TRAK1: variants seen among roughly 807,000 people sequenced by gnomAD.
TRAK1 encodes trafficking kinesin-binding protein 1.
TRAK1 carries 33 observed loss-of-function variants against 92.1 expected under a neutral mutation model. The observed-to-expected ratio is 0.36, with a 90% CI of 0.27 to 0.48. TRAK1 has a LOEUF of 0.48. Among genes scored for constraint, TRAK1 ranks in the 20% least tolerant of loss-of-function variants. The probability of loss-of-function intolerance (pLI) is 0.99; values close to 1 mark genes in which losing one functional copy is unlikely to be tolerated. For synonymous variants in TRAK1, 521 were observed against 517.3 expected, an observed-to-expected ratio of 1.01 and a Z score of -0.10; for missense variants, 1,123 against 1,257.9, an observed-to-expected ratio of 0.89 and a Z score of 1.62.
chr3:42,191,887 A>T (rs1705792700), intron 7 of TRAK1, among the ~76,000 whole-genome samples: 1 of 121,532 alleles, frequency 8.2e-6, no homozygotes, highest in African/African-American at 3.3e-5. Context: ...TTATACTGGA[A>T]TATTGGAATT....
chr3:42,075,960 A>G (rs1442767186), intron 1 of TRAK1, among the ~76,000 whole-genome samples: 2 of 151,992 alleles, frequency 1.3e-5, no homozygotes, highest in East Asian at 3.9e-4. Flanking sequence ...CTCTTGCCTC[A>G]GCCTCCCGAG....
At chr3:42,184,538 G>A (rs751876399) in intron 3 of TRAK1, 147 bp from the exon 4 acceptor site, 7 of 788,370 alleles carry the variant, frequency 8.9e-6, no homozygotes, top group Admixed American at 2.2e-5. Flanking sequence ...GTTTTAACAG[G>A]CATCAAATGC....
At chr3:42,198,298 T>C (rs1707038247) in intron 10 of TRAK1, among the ~76,000 whole-genome samples, 1 of 152,090 alleles carries the variant, frequency 6.6e-6, no homozygotes, top group African/African-American at 2.4e-5. Context: ...GGCCCATTGG[T>C]GAAGTGAGAA....
At chr3:42,189,999 T>C (rs1678065124) in intron 6 of TRAK1, among the ~76,000 whole-genome samples, 1 of 152,206 alleles carries the variant, frequency 6.6e-6, no homozygotes. Flanking sequence ...TGATTCTCAT[T>C]GGAACGGTGG....
At chr3:42,188,892 G>A in intron 5 of TRAK1, 124 bp from the exon 6 acceptor site, 1 of 672,220 alleles carries the variant, frequency 1.5e-6, no homozygotes, top group East Asian at 2.7e-5. Context: ...TCTTCCTGGG[G>A]TTGGGAGAGC....
intron 2 of TRAK1, among the ~76,000 whole-genome samples, chr3:42,126,907 A>C (rs1011070828): frequency 1.3e-5 from 2 of 152,216 alleles, no homozygotes; most frequent in Non-Finnish European, 1.5e-5. Context: ...AACCCTACAG[A>C]GTCTTTGTGA....
chr3:42,086,075 T>A (rs978649315), upstream of TRAK1, among the ~76,000 whole-genome samples: 2 of 152,190 alleles, frequency 1.3e-5, no homozygotes, highest in African/African-American at 4.8e-5. Flanking sequence ...TAAGCTCCTG[T>A]TTGACGTTTT....
intron 1 of TRAK1, among the ~76,000 whole-genome samples, chr3:42,047,029 T>A (rs1702777146): frequency 6.6e-6 from 1 of 152,126 alleles, no homozygotes; most frequent in Non-Finnish European, 1.5e-5. Context: ...AGGATAACAT[T>A]TTAATACTTA....
chr3:42,057,527 A>G (rs1703249649), intron 1 of TRAK1, among the ~76,000 whole-genome samples: 1 of 152,126 alleles, frequency 6.6e-6, no homozygotes, highest in South Asian at 2.1e-4. Flanking sequence ...GTCCAGGCCA[A>G]TCACAGTGGC....
chr3:42,118,582 G>C (rs1365879282), intron 1 of TRAK1, among the ~76,000 whole-genome samples: 1 of 152,204 alleles, frequency 6.6e-6, no homozygotes, highest in Admixed American at 6.5e-5. Context: ...TGCAGGTGAG[G>C]ATCTAGCCCC....
chr3:42,115,456 G>A (rs1377740178), intron 1 of TRAK1, among the ~76,000 whole-genome samples: 17 of 152,146 alleles, frequency 1.1e-4, no homozygotes, highest in Non-Finnish European at 1.3e-4. Flanking sequence ...GGCTGGATTG[G>A]CTGTCTCTGT....
chr3:42,030,375 AT>A (rs1559709507), intron 1 of TRAK1, among the ~76,000 whole-genome samples: 55 of 140,140 alleles, frequency 3.9e-4, no homozygotes, highest in African/African-American at 1.4e-3. Context: ...AAAAAAAAAT[AT>A]ATATATATAT....
intron 1 of TRAK1, among the ~76,000 whole-genome samples, chr3:42,080,125 T>A (rs554201213): frequency 3.2e-4 from 48 of 152,298 alleles, no homozygotes; most frequent in African/African-American, 1.1e-3. Flanking sequence ...TTAGTTAAGG[T>A]TCTGAGTCAC....
At position 42,184,748 on chromosome 3, in the gene TRAK1, C is replaced by G. The variant is rs1474253020; in HGVS notation, c.427C>G (p.Leu143Val). 3.1e-6 allele frequency: 5 copies of G among 1,614,036 alleles called. No individual in the cohort carries two copies. Among genetic ancestry groups the G allele is most frequent in the Non-Finnish European group, 4.2e-6 (5 of 1,180,032 alleles). ...GQSLLKKNKT[L>V]TERNELLEEQ... ...GTCGTTGTTGAAGAAGAACAAGACCCTAACCGAGAGGAACGAGCTGCTGGA... is the reference window on the plus strand; with the variant it reads ...GTCGTTGTTGAAGAAGAACAAGACCGTAACCGAGAGGAACGAGCTGCTGGA... Residue 143 changes from leucine to valine, a missense_variant, in exon 4 of 16, where the codon CTA becomes GTA. Physicochemically the swap from Leu to Val is conservative, Grantham distance 32. Transcript: ENST00000327628.
intron 13 of TRAK1, chr3:42,204,265 T>C: frequency 7.1e-6 from 7 of 984,322 alleles, no homozygotes; most frequent in Non-Finnish European, 8.4e-6. Flanking sequence ...TCTTGTCTGC[T>C]TTCTATATTT....
At position 42,175,955 on chromosome 3, in the gene TRAK1, C is replaced by A. The variant is rs181784351; in HGVS notation, c.287-859C>A. ...AAATCCATTTATATTCACTCCTCCC[C>A]CAATAGAATAAAACTTACGCTACCT... is the stretch of plus-strand genomic sequence containing the variant. On this transcript the variant is annotated intron_variant, in intron 2 of 15. Transcript: ENST00000327628. Among the ~76,000 whole-genome samples, 12 of 152,272 alleles carry A rather than the reference C, an allele frequency of 7.9e-5. No individual in the cohort carries two copies. The East Asian group carries it at 2.3e-3, about 29-fold the overall frequency.
intron 3 of TRAK1, among the ~76,000 whole-genome samples, chr3:42,177,238 C>T (rs1244639990): frequency 6.6e-6 from 1 of 152,132 alleles, no homozygotes. Context: ...TCTGTGTCTT[C>T]CTAATGTATT....
intron 1 of TRAK1, among the ~76,000 whole-genome samples, chr3:42,039,519 A>G (rs1304641972): frequency 3.9e-5 from 6 of 152,188 alleles, no homozygotes; most frequent in Non-Finnish European, 7.3e-5. Flanking sequence ...GCACACCAAC[A>G]TGCCCAGCTA....
chr3:42,091,663 G>A (rs1207033645), intron 1 of TRAK1, 103 bp downstream of exon 1: 15 of 1,105,782 alleles, frequency 1.4e-5, no homozygotes, highest in Non-Finnish European at 1.9e-5. Context: ...GCTCCGTGCT[G>A]CTTGGGAGGT....
Sources: gnomAD v4.1 joint callset for allele counts (sites outside exome capture counted in the v4.1 genomes callset) on GRCh38, gnomAD v4.1.1 for gene constraint, MANE v1.5 for transcripts, NCBI Gene and HGNC (gene_info 2026-07-23, HGNC 2026-07-21) for gene names.